Variants in AGBL1 observed in about 807,000 individuals in gnomAD.
AGBL1 encodes cytosolic carboxypeptidase 4.
AGBL1 carries 130 observed loss-of-function variants against 118.9 expected under a neutral mutation model. The observed-to-expected ratio is 1.09, with a 90% CI of 0.95 to 1.26. The LOEUF (loss-of-function observed/expected upper bound fraction) is 1.26. Ranked by LOEUF, AGBL1 falls within the 50% of genes most tolerant of loss-of-function variation. The probability of loss-of-function intolerance (pLI) is 0.00; values close to 1 mark genes in which losing one functional copy is unlikely to be tolerated. For synonymous variants in AGBL1, 555 were observed against 478.9 expected, an observed-to-expected ratio of 1.16 and a Z score of -2.08; for missense variants, 1,584 against 1,298.1, an observed-to-expected ratio of 1.22 and a Z score of -3.38.
chr15:86,241,866 G>T (rs1014217253), intron 6 of AGBL1, among the ~76,000 whole-genome samples: 1 of 152,152 alleles, frequency 6.6e-6, no homozygotes, highest in Non-Finnish European at 1.5e-5. Context: ...TGAAGCTTCT[G>T]TTCTTCTTGT....
intron 23 of AGBL1, among the ~76,000 whole-genome samples, chr15:86,923,901 G>A (rs964863975): frequency 3.9e-5 from 6 of 152,124 alleles, no homozygotes; most frequent in Non-Finnish European, 7.4e-5. Flanking sequence ...TGATTTGGAC[G>A]AAAATCCTCT....
At chr15:86,984,734 T>C (rs569342563) in intron 23 of AGBL1, among the ~76,000 whole-genome samples, 11 of 152,288 alleles carry the variant, frequency 7.2e-5, no homozygotes, top group African/African-American at 2.6e-4. Context: ...CATATACATA[T>C]AGGTGCAATA....
At chr15:86,634,279 G>A (rs971185187) in intron 21 of AGBL1, among the ~76,000 whole-genome samples, 6 of 152,082 alleles carry the variant, frequency 3.9e-5, no homozygotes, top group Admixed American at 1.3e-4. Context: ...TTATAGCAGC[G>A]CTATTTATAA....
At chr15:86,608,050 A>G (rs777550283) in intron 21 of AGBL1, among the ~76,000 whole-genome samples, 4 of 152,230 alleles carry the variant, frequency 2.6e-5, no homozygotes. Context: ...TAGTATTTAC[A>G]AGTGCTTTAA....
At chr15:86,875,509 G>A (rs867246984) in intron 22 of AGBL1, among the ~76,000 whole-genome samples, 6 of 152,214 alleles carry the variant, frequency 3.9e-5, no homozygotes, top group Admixed American at 6.5e-5. Flanking sequence ...TTCAGTGTCT[G>A]ACTTGCATCT....
At chr15:86,700,510 C>A (rs909308327) in intron 22 of AGBL1, among the ~76,000 whole-genome samples, 5 of 44,750 alleles carry the variant, frequency 1.1e-4, no homozygotes, top group Admixed American at 9.5e-4. Context: ...CACACACACA[C>A]AAAATCTCTC....
intron 18 of AGBL1, among the ~76,000 whole-genome samples, chr15:86,416,365 T>C (rs1361298137): frequency 6.6e-6 from 1 of 152,218 alleles, no homozygotes; most frequent in Non-Finnish European, 1.5e-5. Context: ...GTCCAAAGCT[T>C]GGGCTGTGCT....
At chr15:86,851,927 T>C (rs1192408399) in intron 22 of AGBL1, among the ~76,000 whole-genome samples, 1 of 152,146 alleles carries the variant, frequency 6.6e-6, no homozygotes, top group Admixed American at 6.6e-5. Flanking sequence ...TGGCAGGTTT[T>C]TATTTTTTAT....
rs115984232 is a variant in AGBL1, at chr15:86,889,239, A to G, written c.3159-17848A>G. Among the ~76,000 whole-genome samples, 812 of 151,492 alleles carry G rather than the reference A, an allele frequency of 5.4e-3. 8 individuals are homozygous for G. The highest frequency in any genetic ancestry group is 0.018 in the African/African-American group (757 of 41,300). On this transcript the variant is annotated intron_variant, in intron 22 of 22. Coordinates refer to ENST00000614907, the MANE Select transcript of AGBL1 (RefSeq NM_001386094.1). ...AGATAGAAAAGACCTTCTAATAGAAAATTAGGGTGGCGATACCGCTTACTA... is the reference window on the plus strand; with the variant it reads ...AGATAGAAAAGACCTTCTAATAGAAGATTAGGGTGGCGATACCGCTTACTA...
intron 18 of AGBL1, among the ~76,000 whole-genome samples, chr15:86,470,541 G>A (rs1229874305): frequency 6.6e-6 from 1 of 152,120 alleles, no homozygotes; most frequent in Non-Finnish European, 1.5e-5. Flanking sequence ...GGTTCCATAT[G>A]TATTTTATGA....
intron 21 of AGBL1, among the ~76,000 whole-genome samples, chr15:86,648,178 T>G (rs1308320548): frequency 6.6e-6 from 1 of 152,096 alleles, no homozygotes; most frequent in Non-Finnish European, 1.5e-5. Flanking sequence ...TGCTAAACTT[T>G]GCGAAAACTG....
At chr15:86,604,993 C>T (rs1019344725) in intron 21 of AGBL1, among the ~76,000 whole-genome samples, 2 of 151,934 alleles carry the variant, frequency 1.3e-5, no homozygotes, top group African/African-American at 2.4e-5. Flanking sequence ...CGGGGTTTCT[C>T]CATGTTGGTC....
chr15:86,354,050 T>C (rs1436085286), intron 17 of AGBL1, among the ~76,000 whole-genome samples: 1 of 152,224 alleles, frequency 6.6e-6, no homozygotes, highest in African/African-American at 2.4e-5. Flanking sequence ...GCGGGTGATT[T>C]GCACTTCTGC....
At chr15:87,023,810 T>G (rs768123615) in intron 24 of AGBL1, among the ~76,000 whole-genome samples, 7 of 151,910 alleles carry the variant, frequency 4.6e-5, no homozygotes, top group Non-Finnish European at 8.8e-5. Context: ...GGAATAAAAC[T>G]GGAAATCAAC....
At chr15:86,373,138 T>G (rs1050989851) in intron 17 of AGBL1, among the ~76,000 whole-genome samples, 1 of 152,188 alleles carries the variant, frequency 6.6e-6, no homozygotes, top group African/African-American at 2.4e-5. Flanking sequence ...CAAATATACC[T>G]CATTGACCCT....
At chr15:86,228,973 T>C (rs1466674507) in intron 6 of AGBL1, among the ~76,000 whole-genome samples, 1 of 152,174 alleles carries the variant, frequency 6.6e-6, no homozygotes, top group Non-Finnish European at 1.5e-5. Context: ...TGCCTTTCCT[T>C]GTATCAGTTC....
chr15:86,327,146 A>G (rs886446350), intron 17 of AGBL1, among the ~76,000 whole-genome samples: 1 of 152,176 alleles, frequency 6.6e-6, no homozygotes, highest in African/African-American at 2.4e-5. Context: ...GTGGATGGGT[A>G]CTTTTCCCCA....
At chr15:86,412,065 T>A (rs1056243643) in intron 18 of AGBL1, among the ~76,000 whole-genome samples, 1 of 152,194 alleles carries the variant, frequency 6.6e-6, no homozygotes, top group Non-Finnish European at 1.5e-5. Context: ...AGCAGCTCAA[T>A]GTTGGAAAAT....
chr15:86,144,902 G>A (rs1457336163), intron 3 of AGBL1, among the ~76,000 whole-genome samples: 4 of 152,172 alleles, frequency 2.6e-5, no homozygotes, highest in African/African-American at 9.6e-5. Context: ...TTAGCTTAAC[G>A]TAACAGAAGA....
Sources: allele counts gnomAD v4.1 joint callset (sites outside exome capture counted in the v4.1 genomes callset), GRCh38; gene constraint gnomAD v4.1.1; transcripts MANE v1.5; gene names NCBI Gene and HGNC (gene_info 2026-07-23, HGNC 2026-07-21).